ISLR2: variants seen among roughly 807,000 people sequenced by gnomAD.
ISLR2 encodes immunoglobulin superfamily containing leucine-rich repeat protein 2.
A neutral mutation model predicts 25.5 loss-of-function variants in ISLR2; 16 were observed. The observed-to-expected ratio is 0.63, with a 90% CI of 0.43 to 0.95. The LOEUF (loss-of-function observed/expected upper bound fraction) is 0.95, where lower values mean the gene tolerates loss of function less well. Ranked by LOEUF, ISLR2 falls within the 40% of genes least tolerant of loss-of-function variation. The pLI is 0.00. For synonymous variants in ISLR2, 508 were observed against 486.6 expected (o/e 1.04, Z -0.58); for missense variants, 883 against 1,030.7 (o/e 0.86, Z 1.96).
intron 2 of ISLR2, among the ~76,000 whole-genome samples, chr15:74,115,349 A>G (rs1338721067): frequency 6.6e-6 from 1 of 152,230 alleles, no homozygotes; most frequent in African/African-American, 2.4e-5. Flanking sequence ...AAAGGAAAAC[A>G]AAATCCAGCA....
chr15:74,135,333 G>C lies in ISLR2; in HGVS notation c.*341G>C, dbSNP rs779082317. ...ATCTGCGAAATCCACCCCGCAGCCC[G>C]CCCCACCGTGGGCTCTGGAGCCAGA... On this transcript the variant is annotated 3_prime_UTR_variant, in exon 3 of 3. Coordinates refer to ENST00000453268, the MANE Select transcript of ISLR2 (RefSeq NM_020851.3). 6.8e-6 allele frequency: 2 copies of C among 295,828 alleles called. No homozygotes were observed. Among genetic ancestry groups the C allele is most frequent in the Admixed American group, 4.6e-5 (1 of 21,844 alleles). 18.3% of individuals were successfully genotyped at this position (295,828 alleles called of 1,614,324 possible).
At chr15:74,131,051 C>T (rs2072403757) in intron 1 of ISLR2, 156 bp from the exon 2 acceptor site, 1 of 152,552 alleles carries the variant, frequency 6.6e-6, no homozygotes, top group Admixed American at 6.5e-5. Context: ...GCGTCCCCGC[C>T]AGGCCCGGGA....
chr15:74,117,526 A>T (rs893688663), intron 2 of ISLR2, among the ~76,000 whole-genome samples: 4 of 151,126 alleles, frequency 2.6e-5, no homozygotes, highest in African/African-American at 4.9e-5. Flanking sequence ...ACTAAAAATT[A>T]AAAAAAAATA....
upstream of ISLR2, chr15:74,127,554 G>C (rs1341680993): frequency 6.6e-6 from 1 of 152,388 alleles, no homozygotes; most frequent in South Asian, 2.1e-4. Flanking sequence ...TCGGGACTTT[G>C]GTTAAGCGCG....
chr15:74,110,394 A>G (rs575477713), intron 2 of ISLR2, among the ~76,000 whole-genome samples: 1 of 152,372 alleles, frequency 6.6e-6, no homozygotes, highest in Admixed American at 6.5e-5. Context: ...TGATGTCTGC[A>G]TAAAAACTCA....
In ISLR2 at chr15:74,133,393, G is replaced by T; in HGVS notation, c.639G>T (p.Ser213=). 1 of 1,606,840 alleles carries T rather than the reference G, an allele frequency of 6.2e-7. No homozygotes were observed. ...AGCCCGACTCCATTGCTTGTGCCTC[G>T]CCTCCCGCGCTGCAGGGGGTGCCGG... ...LPEPDSIACA[S]PPALQGVPVY... is the part of the protein sequence containing the mutation. The change falls in exon 3 of 3, where the codon TCG becomes TCT. Residue 213 remains serine, a synonymous_variant. Transcript: ENST00000453268.
At position 74,134,102 on chromosome 15, in the gene ISLR2, C is replaced by A; in HGVS notation, c.1348C>A (p.Leu450Ile). ...SEGEEAEDQI[L>I]ADPAEEQRCG... ...GGGAGAGGAGGCCGAAGACCAGATC[C>A]TCGCGGACCCGGCGGAGGAGCAGCG... Residue 450 changes from leucine to isoleucine, a missense_variant, in exon 3 of 3, where the codon CTC becomes ATC. Coordinates refer to ENST00000453268, the MANE Select transcript of ISLR2 (RefSeq NM_020851.3). The A allele has an allele frequency of 6.2e-7, 1 of 1,613,748 alleles. No homozygotes were observed. The highest frequency in any genetic ancestry group is 1.1e-5 in the South Asian group (1 of 90,960).
At chr15:74,128,440 G>T (rs1000394964), upstream of ISLR2, 7 of 456,402 alleles carry the variant, frequency 1.5e-5, no homozygotes, top group Non-Finnish European at 3.1e-5. Context: ...CACCCCAGGA[G>T]CCCCGTCTCC....
At chr15:74,109,666 A>G (rs1335230903) in intron 2 of ISLR2, among the ~76,000 whole-genome samples, 1 of 152,134 alleles carries the variant, frequency 6.6e-6, no homozygotes, top group Non-Finnish European at 1.5e-5. Context: ...CACGCCTCAG[A>G]GGTTCTGATT....
intron 2 of ISLR2, among the ~76,000 whole-genome samples, chr15:74,106,774 C>T (rs2072123794): frequency 6.6e-6 from 1 of 152,136 alleles, no homozygotes; most frequent in Non-Finnish European, 1.5e-5. Context: ...CCGGACACCC[C>T]TCTGCATCTA....
chr15:74,132,723 T>C lies in ISLR2; in HGVS notation c.-8-24T>C, dbSNP rs2072450084. On this transcript the variant is annotated intron_variant, in intron 2 of 2. Transcript: ENST00000453268. The surrounding 1 kb of genome is among the most constrained non-coding windows in gnomAD (Gnocchi z 4.3). Reference sequence around the variant, plus strand: ...GGGTTCAGTGAGTCACCTTCTTTCTTCTTCACCTGGCTTCCATCTGCAGGA... The same window carrying C: ...GGGTTCAGTGAGTCACCTTCTTTCTCCTTCACCTGGCTTCCATCTGCAGGA... The C allele has an allele frequency of 5.6e-6, 9 of 1,598,538 alleles. No homozygotes were observed. Among genetic ancestry groups the C allele is most frequent in the African/African-American group, 1.3e-5 (1 of 74,566 alleles).
chr15:74,112,193 T>C (rs2072173395), intron 2 of ISLR2, among the ~76,000 whole-genome samples: 1 of 152,174 alleles, frequency 6.6e-6, no homozygotes, highest in African/African-American at 2.4e-5. Flanking sequence ...CTATAACCCA[T>C]TCAATGCACA....
At chr15:74,127,928 G>A (rs991227821), upstream of ISLR2, 4 of 157,946 alleles carry the variant, frequency 2.5e-5, no homozygotes, top group African/African-American at 9.6e-5. Flanking sequence ...CCTTAGTCTG[G>A]ATTCGGCAGA....
At position 74,134,538 on chromosome 15, in the gene ISLR2, C is replaced by T; in HGVS notation, c.1784C>T (p.Ala595Val). 2 of 1,614,112 alleles carry T rather than the reference C, an allele frequency of 1.2e-6. No individual in the cohort carries two copies. Among genetic ancestry groups the T allele is most frequent in the Non-Finnish European group, 1.7e-6 (2 of 1,180,016 alleles). Residue 595 changes from alanine to valine, a missense_variant, in exon 3 of 3, where the codon GCA becomes GTA. Physicochemically the swap from Ala to Val is moderately conservative, Grantham distance 64. This residue lies in a region of ISLR2 where 612 missense variants were observed against 642.8 expected (regional missense o/e 0.95). Coordinates refer to ENST00000453268, the MANE Select transcript of ISLR2 (RefSeq NM_020851.3). The part of the protein sequence containing the change: ...KELPSLLVIV[A>V]VSVFLLVLAT... ...CTCCCATCGCTGCTGGTCATAGTGG[C>T]AGTGAGCGTATTCCTCCTGGTGCTG... is the stretch of plus-strand genomic sequence containing the variant.
At chr15:74,128,561 G>T (rs1226509533), upstream of ISLR2, 2 of 456,688 alleles carry the variant, frequency 4.4e-6, no homozygotes, top group Non-Finnish European at 8.8e-6. Flanking sequence ...GGTTCCTGCA[G>T]TCCAGGGAAG....
chr15:74,129,287 C>T (rs1819389190), upstream of ISLR2: 6 of 325,268 alleles, frequency 1.8e-5, no homozygotes, highest in South Asian at 1.2e-4. This position sits in a 1 kb window ranked among gnomAD's most constrained non-coding sequence, Gnocchi z 4.5. Flanking sequence ...GCCTCGGAAC[C>T]CCGGGCCGGG....
In ISLR2 at chr15:74,119,553, T is replaced by TA. The variant is rs2072236640; in HGVS notation, n.229-11653dup. 2.0e-5 allele frequency among the ~76,000 whole-genome samples: 3 copies of TA among 152,110 alleles called. No individual in the cohort carries two copies. In the South Asian group the frequency reaches 6.2e-4, roughly 32 times the overall value. On this transcript the variant is annotated intron_variant and non_coding_transcript_variant, in intron 2 of 3. Transcript: ENST00000561975. ...CAACCCTTGGCTACCCCCTCCCCCT[T>TA]ACCCTTCCTCACCGCTAGTAAACAC...
At chr15:74,129,242 G>A (rs1316116380), upstream of ISLR2, 1 of 356,240 alleles carries the variant, frequency 2.8e-6, no homozygotes, top group African/African-American at 2.1e-5. The surrounding 1 kb of genome is among the most constrained non-coding windows in gnomAD (Gnocchi z 4.5). Flanking sequence ...TGGAGTGTGA[G>A]CGCACCAGTC....
At position 74,106,464 on chromosome 15, in the gene ISLR2, C is replaced by G. The variant is rs530160374; in HGVS notation, n.228+2550C>G. ...CCAAAGGGACCCCTGCTCATGCTCT[C>G]CAGCCCACAGGAGTGCCTGCTTCTC... is the stretch of plus-strand genomic sequence containing the variant. On this transcript the variant is annotated intron_variant and non_coding_transcript_variant, in intron 2 of 3. Transcript: ENST00000561975. Among the ~76,000 whole-genome samples, 6 of 152,288 alleles carry G rather than the reference C, an allele frequency of 3.9e-5. No individual in the cohort carries two copies. In the South Asian group the frequency reaches 8.3e-4, roughly 21 times the overall value.
Sources: gnomAD v4.1 joint callset for allele counts (sites outside exome capture counted in the v4.1 genomes callset) on GRCh38, gnomAD v4.1.1 for gene constraint, gnomAD v4.1.1 regional missense constraint, Gnocchi (gnomAD v3.1) non-coding constraint, MANE v1.5 for transcripts, NCBI Gene and HGNC (gene_info 2026-07-23, HGNC 2026-07-21) for gene names.